CTIF: variants seen among roughly 807,000 people sequenced by gnomAD.
CTIF encodes the protein CBP80/20-dependent translation initiation factor.
A neutral mutation model predicts 66.0 loss-of-function variants in CTIF; 21 were observed. The observed-to-expected ratio is 0.32, with a 90% CI of 0.23 to 0.46. CTIF has a LOEUF of 0.46. Ranked by LOEUF, CTIF falls within the 20% of genes least tolerant of loss-of-function variation. CTIF has a pLI of 1.00. For synonymous variants in CTIF, 345 were observed against 326.4 expected (o/e 1.06, Z -0.62); for missense variants, 739 against 812.7 (o/e 0.91, Z 1.10).
chr18:48,794,804 T>C (rs1412928454), intron 9 of CTIF, among the ~76,000 whole-genome samples: 2 of 152,178 alleles, frequency 1.3e-5, no homozygotes, highest in African/African-American at 4.8e-5. Context: ...GCCTCGGATC[T>C]TCCTTCCCCC....
chr18:48,539,191 TG>T lies in CTIF; in HGVS notation c.-147del, dbSNP rs1458900845. The T allele has an allele frequency of 1.5e-5, 2 of 135,138 alleles. No homozygotes were observed. Among genetic ancestry groups the T allele is most frequent in the Non-Finnish European group, 3.1e-5 (2 of 64,460 alleles). 8.4% of individuals were successfully genotyped at this position (135,138 alleles called of 1,614,324 possible). On this transcript the variant is annotated 5_prime_UTR_variant, in exon 1 of 12. Transcript: ENST00000256413. ...TGGGGCGCCCGATCCCCTCCGCAGCTGGGACGCTCCGAACTCGAGGCAGGAG... is the reference window on the plus strand; with the variant it reads ...TGGGGCGCCCGATCCCCTCCGCAGCTGGACGCTCCGAACTCGAGGCAGGAG...
intron 1 of CTIF, among the ~76,000 whole-genome samples, chr18:48,541,245 G>A (rs2088609966): frequency 6.6e-6 from 1 of 152,182 alleles, no homozygotes; most frequent in Non-Finnish European, 1.5e-5. Flanking sequence ...GCCGCCGCCC[G>A]CCCGGCGCTG....
chr18:48,859,261 C>A, intron 11 of CTIF, 83 bp from the exon 12 acceptor site: 2 of 1,199,118 alleles, frequency 1.7e-6, no homozygotes, highest in Non-Finnish European at 2.5e-6. Context: ...CCAGCTATTT[C>A]CTATCCCTGC....
At chr18:48,725,408 A>T (rs142191283) in intron 7 of CTIF, among the ~76,000 whole-genome samples, 1 of 152,054 alleles carries the variant, frequency 6.6e-6, no homozygotes, top group African/African-American at 2.4e-5. Context: ...TCCTGTCCCA[A>T]CGCCCCTCCT....
At chr18:48,683,340 G>A (rs540040109) in intron 6 of CTIF, among the ~76,000 whole-genome samples, 3 of 150,410 alleles carry the variant, frequency 2.0e-5, no homozygotes, top group African/African-American at 7.3e-5. Context: ...AGAAAATGAC[G>A]GCCTGTCCCT....
intron 1 of CTIF, chr18:48,566,880 T>C (rs1389493615): frequency 6.6e-6 from 1 of 152,320 alleles, no homozygotes; most frequent in East Asian, 1.9e-4. Context: ...TGGGCACTCC[T>C]ACATGACTTG....
At chr18:48,790,037 C>A (rs2067758526) in intron 9 of CTIF, among the ~76,000 whole-genome samples, 1 of 152,144 alleles carries the variant, frequency 6.6e-6, no homozygotes, top group South Asian at 2.1e-4. Flanking sequence ...GCCATGGGGC[C>A]ATTGTGAAGA....
In CTIF at chr18:48,621,044, G is replaced by A. The variant is rs564059795; in HGVS notation, c.180+1299G>A. 2.1e-3 allele frequency among the ~76,000 whole-genome samples: 323 copies of A among 152,202 alleles called. 1 individual carries two copies. Among genetic ancestry groups the A allele is most frequent in the African/African-American group, 7.2e-3 (299 of 41,510 alleles). ...GGTTCTAAAATCACAAGTAATGCAA[G>A]CTTATAATTTGTTTGTTATTCAATC... On this transcript the variant is annotated intron_variant, in intron 2 of 11. Coordinates refer to ENST00000256413, the MANE Select transcript of CTIF (RefSeq NM_014772.3).
chr18:48,577,849 A>G (rs893744933), intron 1 of CTIF, among the ~76,000 whole-genome samples: 5 of 152,236 alleles, frequency 3.3e-5, no homozygotes, highest in Admixed American at 2.0e-4. Flanking sequence ...TGCTGGGATT[A>G]CAGGTATGAG....
intron 1 of CTIF, among the ~76,000 whole-genome samples, chr18:48,601,244 C>T (rs1307305176): frequency 6.6e-6 from 1 of 152,234 alleles, no homozygotes; most frequent in Non-Finnish European, 1.5e-5. Flanking sequence ...CCGGCGATTC[C>T]AGGCTCCCAA....
intron 1 of CTIF, among the ~76,000 whole-genome samples, chr18:48,582,279 C>T (rs1055816943): frequency 2.0e-5 from 3 of 151,812 alleles, no homozygotes; most frequent in Non-Finnish European, 4.4e-5. Context: ...AAGCTGGCTT[C>T]CATGGGGCAG....
At chr18:48,677,137 C>T (rs903983782) in intron 6 of CTIF, among the ~76,000 whole-genome samples, 2 of 152,150 alleles carry the variant, frequency 1.3e-5, no homozygotes, top group African/African-American at 2.4e-5. Flanking sequence ...CTTCTGGAAA[C>T]TTCTAGGACA....
rs538268789 is a variant in CTIF at position 48,817,309 on chromosome 18, C to T, written c.1460C>T (p.Thr487Ile). The T allele has an allele frequency of 1.2e-4, 191 of 1,613,990 alleles. 2 individuals carry two copies. The South Asian group carries it at 2.0e-3, about 17-fold the overall frequency. The change falls in exon 10 of 12, where the codon ACC (threonine) becomes ATC (isoleucine). Residue 487 changes from threonine (T) to isoleucine (I), a missense_variant. Physicochemically the swap from Thr to Ile is moderately conservative, Grantham distance 89. Around this residue, in one of 2 missense-constraint regions of CTIF, gnomAD observed 210 missense variants for 292.3 expected, o/e 0.72. Transcript: ENST00000256413. ...ACCTTCCTGTGCGAGGTCTTCGGCACCATGCGCAGCAGCACAGGCGAGCCC... is the reference window on the plus strand; with the variant it reads ...ACCTTCCTGTGCGAGGTCTTCGGCATCATGCGCAGCAGCACAGGCGAGCCC... The part of the protein sequence containing the change: ...FITFLCEVFG[T>I]MRSSTGEPFR...
intron 7 of CTIF, among the ~76,000 whole-genome samples, chr18:48,750,569 G>A (rs1357207081): frequency 1.3e-5 from 2 of 152,270 alleles, no homozygotes; most frequent in Non-Finnish European, 2.9e-5. Flanking sequence ...CCAGCAGACT[G>A]TGGTGGGAAA....
chr18:48,559,959 C>G (rs1320457539), intron 1 of CTIF, among the ~76,000 whole-genome samples: 1 of 152,038 alleles, frequency 6.6e-6, no homozygotes, highest in Non-Finnish European at 1.5e-5. Flanking sequence ...TACAAATAAA[C>G]CAAACAAAAT....
chr18:48,790,150 C>G (rs2067761179), intron 9 of CTIF, among the ~76,000 whole-genome samples: 1 of 152,226 alleles, frequency 6.6e-6, no homozygotes, highest in Admixed American at 6.5e-5. Context: ...ACCGTATGTC[C>G]TTTGGAGAAG....
chr18:48,821,169 C>T (rs2146359357), intron 10 of CTIF, among the ~76,000 whole-genome samples: 1 of 152,338 alleles, frequency 6.6e-6, no homozygotes, highest in East Asian at 1.9e-4. Context: ...ACCCCCTCAG[C>T]ACACCAACAG....
At chr18:48,620,211 G>A (rs995098621) in intron 2 of CTIF, among the ~76,000 whole-genome samples, 7 of 152,168 alleles carry the variant, frequency 4.6e-5, no homozygotes, top group South Asian at 2.1e-4. Flanking sequence ...CCAAAGTCTC[G>A]TGGGATTCTC....
intron 3 of CTIF, among the ~76,000 whole-genome samples, chr18:48,639,108 A>G (rs112476865): frequency 0.024 from 3,608 of 152,340 alleles, 125 homozygotes; most frequent in African/African-American, 0.081. Flanking sequence ...TCTTGGGTGC[A>G]GAGTCTGCGA....
Sources: gnomAD v4.1 joint callset for allele counts (sites outside exome capture counted in the v4.1 genomes callset) on GRCh38, gnomAD v4.1.1 for gene constraint, gnomAD v4.1.1 regional missense constraint, MANE v1.5 for transcripts, NCBI Gene and HGNC (gene_info 2026-07-23, HGNC 2026-07-21) for gene names.